WWC2: variants seen among roughly 807,000 people sequenced by gnomAD.
The protein encoded by WWC2 is WW and C2 domain containing 2.
Under a neutral mutation model 138.5 loss-of-function variants are expected in WWC2, and 101 were observed. The ratio of observed to expected loss-of-function variants is 0.73; its 90% CI spans 0.62 to 0.86. The LOEUF is 0.86. Ranked by LOEUF, WWC2 falls within the 40% of genes least tolerant of loss-of-function variation. The probability of loss-of-function intolerance (pLI) is 0.00; values close to 1 mark genes in which losing one functional copy is unlikely to be tolerated. For missense variants in WWC2, 1,420 were observed against 1,419.4 expected (o/e 1.00, Z -0.01); for synonymous variants, 558 against 538.4 (o/e 1.04, Z -0.50).
Position 183,245,407 on chromosome 4 carries a change from T to C in WWC2, c.603-9T>C. 6.5e-7 allele frequency: 1 copy of C among 1,530,356 alleles called. No homozygotes were observed. Among genetic ancestry groups the C allele is most frequent in the Non-Finnish European group, 8.7e-7 (1 of 1,146,656 alleles). The allele number at this position is 1,530,356 out of a possible 1,614,324, so 94.8% of individuals were successfully genotyped here. ...TTGATATTTTTTCTTTCTTTTTCTC[T>C]TTTCACAGAATTGATAAAAAAATGT... On this transcript the variant is annotated splice_polypyrimidine_tract_variant and intron_variant, in intron 5 of 22. Transcript: ENST00000403733.
intron 15 of WWC2, chr4:183,269,427 T>C (rs914693250): frequency 8.4e-6 from 5 of 592,670 alleles, no homozygotes; most frequent in South Asian, 6.1e-5. Context: ...AGAAGAACTT[T>C]ACCTTTGTGA....
At chr4:183,228,034 T>G (rs1305394678) in intron 4 of WWC2, among the ~76,000 whole-genome samples, 12 of 152,006 alleles carry the variant, frequency 7.9e-5, no homozygotes. Flanking sequence ...GTTAAAAGAC[T>G]GGATTTGGAA....
intron 1 of WWC2, among the ~76,000 whole-genome samples, chr4:183,128,575 C>T (rs1732832536): frequency 6.6e-6 from 1 of 152,144 alleles, no homozygotes; most frequent in Admixed American, 6.5e-5. Flanking sequence ...TTGTTCTTCA[C>T]CTTCATCATT....
intron 4 of WWC2, among the ~76,000 whole-genome samples, chr4:183,222,100 A>G (rs1412982066): frequency 6.6e-6 from 1 of 152,222 alleles, no homozygotes; most frequent in African/African-American, 2.4e-5. Context: ...GAATTTCAAA[A>G]ACAGTGAAAG....
At chr4:183,302,106 C>A (rs1738860918) in intron 21 of WWC2, among the ~76,000 whole-genome samples, 1 of 152,172 alleles carries the variant, frequency 6.6e-6, no homozygotes, top group African/African-American at 2.4e-5. Flanking sequence ...CTATTATAAA[C>A]AATGTGGAAA....
At chr4:183,289,706 C>T in intron 21 of WWC2, 71 bp downstream of exon 21, 1 of 1,557,846 alleles carries the variant, frequency 6.4e-7, no homozygotes, top group Non-Finnish European at 8.6e-7. Flanking sequence ...GTAGAAGGTA[C>T]CCAACTTACA....
rs577134099 is a variant in WWC2, at chr4:183,319,951, G to C, written c.*4222G>C. 1 of 1,613,486 alleles carries C rather than the reference G, an allele frequency of 6.2e-7. No individual in the cohort carries two copies. Among genetic ancestry groups the C allele is most frequent in the Non-Finnish European group, 8.5e-7 (1 of 1,179,638 alleles). ...GAGACCAGCAGGCCCAGAAATCCCA[G>C]CCCATTTGACAGAAACATTAAGATC... On this transcript the variant is annotated 3_prime_UTR_variant, in exon 23 of 23. Coordinates refer to ENST00000403733, the MANE Select transcript of WWC2 (RefSeq NM_024949.6).
intron 1 of WWC2, among the ~76,000 whole-genome samples, chr4:183,129,866 T>TA (rs1732867969): frequency 6.6e-6 from 1 of 152,178 alleles, no homozygotes; most frequent in Non-Finnish European, 1.5e-5. Context: ...TGTGATCACT[T>TA]ACACCAGCTG....
At chr4:183,222,228 A>T (rs1248154227) in intron 4 of WWC2, among the ~76,000 whole-genome samples, 1 of 152,170 alleles carries the variant, frequency 6.6e-6, no homozygotes, top group Non-Finnish European at 1.5e-5. Context: ...CATATTGTAC[A>T]TTTAAAATTT....
chr4:183,103,057 A>G (rs1743230281), intron 1 of WWC2, among the ~76,000 whole-genome samples: 1 of 151,972 alleles, frequency 6.6e-6, no homozygotes, highest in African/African-American at 2.4e-5. Flanking sequence ...CCAGAGATAC[A>G]ATGACTTTGT....
intron 4 of WWC2, among the ~76,000 whole-genome samples, chr4:183,231,703 T>G (rs1333556883): frequency 1.3e-5 from 2 of 152,242 alleles, no homozygotes; most frequent in Non-Finnish European, 2.9e-5. Context: ...CTGTTTTGGT[T>G]TTTTGTTTAA....
chr4:183,222,947 CAG>C (rs936207361), intron 4 of WWC2, among the ~76,000 whole-genome samples: 36 of 152,194 alleles, frequency 2.4e-4, no homozygotes, highest in African/African-American at 8.7e-4. Flanking sequence ...GCCTGGGAGA[CAG>C]AGTGAGATGC....
intron 1 of WWC2, among the ~76,000 whole-genome samples, chr4:183,176,372 A>C (rs1050413766): frequency 6.6e-6 from 1 of 152,066 alleles, no homozygotes; most frequent in Non-Finnish European, 1.5e-5. Context: ...TGATTCTTTC[A>C]GTTTGTCTTT....
At chr4:183,283,828 A>G (rs544871537) in intron 18 of WWC2, among the ~76,000 whole-genome samples, 12 of 152,324 alleles carry the variant, frequency 7.9e-5, no homozygotes, top group African/African-American at 2.2e-4. Context: ...TTGGAAAACA[A>G]TGTAATCAGA....
chr4:183,113,511 T>TGCGCGCGCGC (rs764721220), intron 1 of WWC2, among the ~76,000 whole-genome samples: 4 of 130,236 alleles, frequency 3.1e-5, no homozygotes, highest in Non-Finnish European at 6.5e-5. Context: ...TGTGTGTGTG[T>TGCGCGCGCGC]GTGTGCGCGC....
At chr4:183,196,377 T>G (rs1431045175) in intron 2 of WWC2, among the ~76,000 whole-genome samples, 1 of 152,266 alleles carries the variant, frequency 6.6e-6, no homozygotes, top group Non-Finnish European at 1.5e-5. Context: ...TGTGACATAC[T>G]GTTCACATAC....
At chr4:183,156,423 C>G (rs555189881) in intron 1 of WWC2, among the ~76,000 whole-genome samples, 17 of 149,356 alleles carry the variant, frequency 1.1e-4, no homozygotes, top group Non-Finnish European at 2.1e-4. Context: ...CCTCCACTTC[C>G]TGGGTTCAAG....
intron 1 of WWC2, among the ~76,000 whole-genome samples, chr4:183,168,785 A>G (rs1734194140): frequency 6.6e-6 from 1 of 152,236 alleles, no homozygotes; most frequent in Non-Finnish European, 1.5e-5. Context: ...AAATTATGGC[A>G]TGTGAATACA....
chr4:183,235,146 C>T (rs567827660), intron 4 of WWC2, among the ~76,000 whole-genome samples: 1 of 152,092 alleles, frequency 6.6e-6, no homozygotes, highest in Non-Finnish European at 1.5e-5. Flanking sequence ...TTCAGGTTGT[C>T]CATTAAGAAG....
Sources: allele counts gnomAD v4.1 joint callset (sites outside exome capture counted in the v4.1 genomes callset), GRCh38; gene constraint gnomAD v4.1.1; transcripts MANE v1.5; gene names NCBI Gene and HGNC (gene_info 2026-07-23, HGNC 2026-07-21).